The following CUX1 variants were observed in gnomAD, a reference collection of about 807,000 sequenced individuals.
The protein encoded by CUX1 is protein CASP.
Under a neutral mutation model 158.8 loss-of-function variants are expected in CUX1, and 31 were observed. The observed-to-expected ratio is 0.20, with a 90% CI of 0.15 to 0.26. The LOEUF (loss-of-function observed/expected upper bound fraction) is 0.26. Among genes scored for constraint, CUX1 ranks in the 10% least tolerant of loss-of-function variants. CUX1 has a pLI of 1.00. For synonymous variants in CUX1, 879 were observed against 862.1 expected (o/e 1.02, Z -0.34); for missense variants, 1,589 against 2,014.6 (o/e 0.79, Z 4.04).
intron 20 of CUX1, chr7:102,281,738 C>G: frequency 1.3e-6 from 1 of 772,970 alleles, no homozygotes; most frequent in Non-Finnish European, 2.3e-6. Context: ...CCTGTCCCTT[C>G]CCTCCCCTTG....
intron 23 of CUX1, among the ~76,000 whole-genome samples, chr7:102,246,238 A>T (rs1326045609): frequency 6.6e-6 from 1 of 152,128 alleles, no homozygotes; most frequent in Non-Finnish European, 1.5e-5. Context: ...ACTGCCAAGG[A>T]ACTTGAAAGC....
intron 1 of CUX1, among the ~76,000 whole-genome samples, chr7:101,899,969 G>A (rs1368605102): frequency 6.6e-6 from 1 of 152,160 alleles, no homozygotes; most frequent in African/African-American, 2.4e-5. Flanking sequence ...TCTTCATTTA[G>A]TGCGAGTTTA....
At chr7:101,911,812 A>AC (rs1803514242) in intron 1 of CUX1, among the ~76,000 whole-genome samples, 1 of 152,220 alleles carries the variant, frequency 6.6e-6, no homozygotes, top group Non-Finnish European at 1.5e-5. Flanking sequence ...TGTAAGGTGG[A>AC]CCGGGCCACA....
At chr7:102,216,528 TC>T (rs781825609) in intron 20 of CUX1, among the ~76,000 whole-genome samples, 20 of 78,654 alleles carry the variant, frequency 2.5e-4, no homozygotes, top group Middle Eastern at 6.4e-3. Flanking sequence ...ACACACACTC[TC>T]CCCCCCACAC....
At chr7:101,848,622 C>T (rs768265823) in intron 1 of CUX1, among the ~76,000 whole-genome samples, 2 of 151,944 alleles carry the variant, frequency 1.3e-5, no homozygotes, top group Non-Finnish European at 2.9e-5. Flanking sequence ...GCGAATTTGC[C>T]CACTTTTGTG....
intron 2 of CUX1, among the ~76,000 whole-genome samples, chr7:102,024,050 C>A (rs1232207345): frequency 6.6e-6 from 1 of 152,194 alleles, no homozygotes; most frequent in African/African-American, 2.4e-5. Flanking sequence ...ATAATTGTAT[C>A]ATCTCCTGTA....
Position 102,166,120 on chromosome 7 carries a change from A to G in CUX1, c.724-4326A>G, listed in dbSNP as rs1586003192. ...GGACCTTCGTGACAATGTCCTGGAC[A>G]CCATCGCCAGGTGATGGGCATCGGC... On this transcript the variant is annotated intron_variant, in intron 9 of 23. Transcript: ENST00000292535. Among the ~76,000 whole-genome samples, 7 of 152,292 alleles carry G rather than the reference A, an allele frequency of 4.6e-5. 1 individual carries two copies. The highest frequency in any genetic ancestry group is 4.6e-4 in the Admixed American group (7 of 15,300).
chr7:102,189,156 G>A (rs1554516173), intron 11 of CUX1, among the ~76,000 whole-genome samples: 1 of 152,140 alleles, frequency 6.6e-6, no homozygotes, highest in Non-Finnish European at 1.5e-5. Flanking sequence ...TCTCTCGTTA[G>A]TAGAGGTCCT....
At chr7:102,110,462 G>A (rs1470158280) in intron 6 of CUX1, among the ~76,000 whole-genome samples, 2 of 152,074 alleles carry the variant, frequency 1.3e-5, no homozygotes, top group African/African-American at 2.4e-5. Flanking sequence ...CTTGTTACGT[G>A]TTAGTTCATG....
intron 3 of CUX1, among the ~76,000 whole-genome samples, chr7:102,030,900 A>G (rs1435334006): frequency 6.6e-6 from 1 of 151,766 alleles, no homozygotes; most frequent in Admixed American, 6.6e-5. Flanking sequence ...CGAGGTTTCA[A>G]TACATTGCCC....
intron 23 of CUX1, among the ~76,000 whole-genome samples, chr7:102,244,028 A>AAAAAAT (rs562126412): frequency 6.6e-6 from 1 of 151,952 alleles, no homozygotes; most frequent in African/African-American, 2.4e-5. Context: ...CTCCGTCTCA[A>AAAAAAT]AAAAATAAAA....
At chr7:101,976,110 G>A (rs1476796115) in intron 2 of CUX1, among the ~76,000 whole-genome samples, 3 of 152,162 alleles carry the variant, frequency 2.0e-5, no homozygotes, top group African/African-American at 7.2e-5. Flanking sequence ...TCCAACCTGG[G>A]CACAGAGAGA....
At chr7:102,127,357 C>G (rs1019968516) in intron 8 of CUX1, among the ~76,000 whole-genome samples, 1 of 152,066 alleles carries the variant, frequency 6.6e-6, no homozygotes, top group African/African-American at 2.4e-5. Flanking sequence ...CAGGTGTGCA[C>G]CCCACACCAG....
At chr7:101,830,124 C>T (rs1793817748) in intron 1 of CUX1, among the ~76,000 whole-genome samples, 1 of 152,154 alleles carries the variant, frequency 6.6e-6, no homozygotes, top group African/African-American at 2.4e-5. Context: ...ATACTGATAC[C>T]TGTACTTAAC....
At chr7:101,820,575 G>A (rs1296634627) in intron 1 of CUX1, among the ~76,000 whole-genome samples, 3 of 152,168 alleles carry the variant, frequency 2.0e-5, no homozygotes, top group African/African-American at 7.2e-5. Context: ...TCTATGAAAA[G>A]TGACTTTTAT....
chr7:101,837,828 CAAAAAAAAAAAAAAAAAA>C (rs200090006), intron 1 of CUX1, among the ~76,000 whole-genome samples: 1 of 44,372 alleles, frequency 2.3e-5, no homozygotes, highest in Non-Finnish European at 3.8e-5. Context: ...GAGACCCTGT[CAAAAAAAAAAAAAAAAAA>C]AAAAAAAAAA....
chr7:101,927,188 G>T (rs1005897061), intron 2 of CUX1, among the ~76,000 whole-genome samples: 3 of 151,698 alleles, frequency 2.0e-5, no homozygotes, highest in African/African-American at 7.3e-5. Flanking sequence ...GGAGGCTTTA[G>T]TGCAAATTTT....
At chr7:102,166,691 C>A (rs782275160) in intron 9 of CUX1, among the ~76,000 whole-genome samples, 1 of 152,198 alleles carries the variant, frequency 6.6e-6, no homozygotes, top group East Asian at 1.9e-4. Flanking sequence ...TTTCCCTGTT[C>A]CTTCCTTTCA....
chr7:102,223,407 TA>T (rs1427566264), intron 20 of CUX1, among the ~76,000 whole-genome samples: 1 of 152,112 alleles, frequency 6.6e-6, no homozygotes, highest in Non-Finnish European at 1.5e-5. Flanking sequence ...ATGTTGACTG[TA>T]GGTCTTTATA....
Sources: allele counts gnomAD v4.1 joint callset (sites outside exome capture counted in the v4.1 genomes callset), GRCh38; gene constraint gnomAD v4.1.1; transcripts MANE v1.5; gene names NCBI Gene and HGNC (gene_info 2026-07-23, HGNC 2026-07-21).